CEP350: variants seen among roughly 807,000 people sequenced by gnomAD.
CEP350 encodes centrosomal protein 350, also known as centrosome-associated protein 350.
Under a neutral mutation model 331.8 loss-of-function variants are expected in CEP350, and 126 were observed. That is an observed-to-expected ratio of 0.38 (90% CI 0.33 to 0.44). The LOEUF is 0.44. CEP350 is among the 20% of genes least tolerant of loss of function. The pLI is 1.00. For missense variants in CEP350, 3,406 were observed against 3,634.6 expected, an observed-to-expected ratio of 0.94 and a Z score of 1.62; for synonymous variants, 1,200 against 1,259.5, an observed-to-expected ratio of 0.95 and a Z score of 1.00.
At chr1:180,065,037 A>G (rs1194050501) in intron 26 of CEP350, 78 bp from the exon 27 acceptor site, 2 of 1,384,252 alleles carry the variant, frequency 1.4e-6, no homozygotes, top group Non-Finnish European at 1.9e-6. Flanking sequence ...GGATAAACTT[A>G]ATTTTGAATT....
rs919463063 is a variant in CEP350, at chr1:180,043,260, T to C, written c.4499+68T>C. 4 of 1,489,904 alleles carry C rather than the reference T, an allele frequency of 2.7e-6. No individual in the cohort carries two copies. In the African/African-American group the frequency reaches 4.2e-5, roughly 16 times the overall value. The allele number at this position is 1,489,904 out of a possible 1,614,324, so 92.3% of individuals were successfully genotyped here. On this transcript the variant is annotated intron_variant, in intron 20 of 37. Transcript: ENST00000367607. ...TAGGTTAATATTCATTCAGCAAATA[T>C]GTAATGAGTATTTGTTGTTATAGGC...
chr1:179,975,565 G>A (rs1325154999), intron 1 of CEP350, among the ~76,000 whole-genome samples: 3 of 151,904 alleles, frequency 2.0e-5, no homozygotes, highest in African/African-American at 4.8e-5. Flanking sequence ...TATGTATGAG[G>A]CATATTTTAC....
Position 180,022,793 on chromosome 1 carries a change from G to A in CEP350, c.3331G>A (p.Val1111Ile), listed in dbSNP as rs1655413213. 4 of 1,604,654 alleles carry A rather than the reference G, an allele frequency of 2.5e-6. No individual in the cohort carries two copies. Among genetic ancestry groups the A allele is most frequent in the East Asian group, 2.2e-5 (1 of 44,732 alleles). Residue 1111 changes from valine to isoleucine, a missense_variant, in exon 13 of 38, where the codon GTC (valine) becomes ATC (isoleucine). This residue lies in a region of CEP350 where 1,857 missense variants were observed against 1,909.2 expected (regional missense o/e 0.97). Transcript: ENST00000367607. Reference protein sequence around the residue: ...LSGVSYEDDFVSSPGTGTSTE... With the variant: ...LSGVSYEDDFISSPGTGTSTE... The stretch of plus-strand genomic sequence containing the variant: ...TGGTGTTTCATATGAAGATGATTTT[G>A]TCTCCTCTCCAGGGACTGGGACTTC...
At chr1:179,987,901 C>T (rs1315609599) in intron 3 of CEP350, among the ~76,000 whole-genome samples, 2 of 151,978 alleles carry the variant, frequency 1.3e-5, no homozygotes, top group Non-Finnish European at 2.9e-5. Flanking sequence ...TGCCACTGCA[C>T]TTTAGCCTGA....
At chr1:180,040,028 AT>A (rs529855520) in intron 17 of CEP350, among the ~76,000 whole-genome samples, 14 of 146,986 alleles carry the variant, frequency 9.5e-5, no homozygotes, top group African/African-American at 3.0e-4. Context: ...TGATGCTAAA[AT>A]TTTTTTTTTT....
intron 11 of CEP350, among the ~76,000 whole-genome samples, chr1:180,019,329 A>G (rs1655170745): frequency 6.6e-6 from 1 of 152,084 alleles, no homozygotes; most frequent in African/African-American, 2.4e-5. Flanking sequence ...GTATATTTGT[A>G]TTTATAGTTG....
intron 9 of CEP350, among the ~76,000 whole-genome samples, chr1:180,012,326 C>T (rs917345944): frequency 6.6e-6 from 1 of 152,152 alleles, no homozygotes; most frequent in Non-Finnish European, 1.5e-5. Flanking sequence ...AATATGAAAG[C>T]ATTATTGTAA....
chr1:180,037,724 A>G (rs1656463711), intron 17 of CEP350, among the ~76,000 whole-genome samples: 1 of 152,070 alleles, frequency 6.6e-6, no homozygotes, highest in African/African-American at 2.4e-5. Context: ...ATCTCGGCTC[A>G]CTGCAAGCTC....
chr1:179,981,461 A>G (rs1024014229), intron 1 of CEP350, among the ~76,000 whole-genome samples: 2 of 152,244 alleles, frequency 1.3e-5, no homozygotes, highest in Non-Finnish European at 2.9e-5. Flanking sequence ...CTTTAAAGAT[A>G]GTAAACCTTT....
Position 179,960,614 on chromosome 1 carries a change from C to T in CEP350, c.-14+5472C>T, listed in dbSNP as rs557583721. On this transcript the variant is annotated intron_variant, in intron 1 of 37. Coordinates refer to ENST00000367607, the MANE Select transcript of CEP350 (RefSeq NM_014810.5). ...TTTTGATGACACTGTGTCTTCCAAA[C>T]GCTAGGTTTTGGGAGTTTGCTGTGA... Among the ~76,000 whole-genome samples, 115 of 151,982 alleles carry T rather than the reference C, an allele frequency of 7.6e-4. 1 individual carries two copies. The highest frequency in any genetic ancestry group is 2.7e-3 in the African/African-American group (111 of 41,440).
At chr1:179,974,189 C>T (rs184675949) in intron 1 of CEP350, among the ~76,000 whole-genome samples, 3 of 152,192 alleles carry the variant, frequency 2.0e-5, no homozygotes, top group South Asian at 4.2e-4. Flanking sequence ...ATGCCATTCT[C>T]CTGCCTCAGC....
intron 29 of CEP350, among the ~76,000 whole-genome samples, chr1:180,079,310 T>C (rs367971339): frequency 9.2e-5 from 14 of 151,860 alleles, no homozygotes; most frequent in East Asian, 7.7e-4. Flanking sequence ...ACAGATGTTG[T>C]TAAAGCCTCT....
At chr1:179,974,188 T>C (rs757602562) in intron 1 of CEP350, among the ~76,000 whole-genome samples, 1 of 152,232 alleles carries the variant, frequency 6.6e-6, no homozygotes, top group Non-Finnish European at 1.5e-5. Flanking sequence ...CATGCCATTC[T>C]CCTGCCTCAG....
intron 1 of CEP350, among the ~76,000 whole-genome samples, chr1:179,974,155 C>A (rs1325761771): frequency 6.6e-6 from 1 of 151,870 alleles, no homozygotes; most frequent in East Asian, 1.9e-4. Flanking sequence ...TCTCGGCTCA[C>A]TGCAAGCTCT....
chr1:180,041,746 G>T lies in CEP350; in HGVS notation c.4306G>T (p.Ala1436Ser). The part of the protein sequence containing the change: ...VLQEATCKIA[A>S]QQSETARLTT... ...GCAGGAAGCAACGTGTAAAATAGCAGCTCAGCAGTCAGAAACTGCTCGCCT... is the reference window on the plus strand; with the variant it reads ...GCAGGAAGCAACGTGTAAAATAGCATCTCAGCAGTCAGAAACTGCTCGCCT... The change falls in exon 19 of 38, where the codon GCT becomes TCT. Residue 1436 changes from alanine to serine, a missense_variant. By Grantham distance (99) the Ala-to-Ser change is moderately conservative. This residue lies in a region of CEP350 where 1,857 missense variants were observed against 1,909.2 expected (regional missense o/e 0.97). Transcript: ENST00000367607. 6.2e-7 allele frequency: 1 copy of T among 1,613,178 alleles called. No individual in the cohort carries two copies. The highest frequency in any genetic ancestry group is 1.6e-4 in the Middle Eastern group (1 of 6,062).
At chr1:179,963,551 T>A (rs1054095577) in intron 1 of CEP350, among the ~76,000 whole-genome samples, 4 of 151,888 alleles carry the variant, frequency 2.6e-5, no homozygotes, top group African/African-American at 9.7e-5. Context: ...TTTTTGTGTG[T>A]TTTTTGGGTT....
rs9425856 is a variant in CEP350 at position 180,066,228 on chromosome 1, G to C, written c.5567+956G>C. Among the ~76,000 whole-genome samples the C allele has an allele frequency of 5.3e-5, 8 of 152,044 alleles. No individual in the cohort carries two copies. In the East Asian group the frequency reaches 1.4e-3, roughly 26 times the overall value. The stretch of plus-strand genomic sequence containing the variant: ...TTGGGGTGTATATTTAATTAAATAC[G>C]GTTAAAAATTAGCTGCTTGTGGACT... On this transcript the variant is annotated intron_variant, in intron 27 of 37. Coordinates refer to ENST00000367607, the MANE Select transcript of CEP350 (RefSeq NM_014810.5).
chr1:180,110,728 A>G (rs1661424766), intron 37 of CEP350, among the ~76,000 whole-genome samples: 1 of 152,324 alleles, frequency 6.6e-6, no homozygotes, highest in African/African-American at 2.4e-5. Flanking sequence ...TTACGTTGAC[A>G]TTGACAACAT....
intron 1 of CEP350, among the ~76,000 whole-genome samples, chr1:179,970,198 T>G (rs1437798660): frequency 6.6e-6 from 1 of 152,190 alleles, no homozygotes; most frequent in Non-Finnish European, 1.5e-5. Flanking sequence ...TTACTCTACT[T>G]CCTATGCTGC....
Sources: allele counts gnomAD v4.1 joint callset (sites outside exome capture counted in the v4.1 genomes callset), GRCh38; gene constraint gnomAD v4.1.1; regional missense constraint gnomAD v4.1.1; transcripts MANE v1.5; gene names NCBI Gene and HGNC (gene_info 2026-07-23, HGNC 2026-07-21).